NALF1: variants seen among roughly 807,000 people sequenced by gnomAD.
NALF1 encodes the protein NALCN channel auxiliary factor 1.
Under a neutral mutation model 48.4 loss-of-function variants are expected in NALF1, and 3 were observed. That is an observed-to-expected ratio of 0.06 (90% CI 0.03 to 0.16). NALF1 has a LOEUF of 0.16. Ranked by LOEUF, NALF1 falls within the 10% of genes least tolerant of loss-of-function variation. The pLI, the probability that NALF1 is intolerant of heterozygous loss-of-function variation, is 1.00. For synonymous variants in NALF1, 262 were observed against 245.7 expected, an observed-to-expected ratio of 1.07 and a Z score of -0.62; for missense variants, 526 against 571.5, an observed-to-expected ratio of 0.92 and a Z score of 0.81.
chr13:107,710,775 A>ATG (rs1400895363), intron 1 of NALF1, among the ~76,000 whole-genome samples: 795 of 45,882 alleles, frequency 0.017, 10 homozygotes, highest in Admixed American at 0.093. Flanking sequence ...ATACACACAT[A>ATG]TGTGTGTATA....
At chr13:107,209,222 C>A (rs1879706946) in intron 2 of NALF1, among the ~76,000 whole-genome samples, 1 of 152,114 alleles carries the variant, frequency 6.6e-6, no homozygotes, top group Non-Finnish European at 1.5e-5. Context: ...AATACTAATC[C>A]AGGCTGGGCA....
intron 1 of NALF1, among the ~76,000 whole-genome samples, chr13:107,771,021 T>C (rs1877562049): frequency 6.6e-6 from 1 of 152,156 alleles, no homozygotes; most frequent in Non-Finnish European, 1.5e-5. Flanking sequence ...TCACCTGACA[T>C]GTTTCCTCAA....
chr13:107,652,367 A>G (rs1467040526), intron 1 of NALF1, among the ~76,000 whole-genome samples: 2 of 152,200 alleles, frequency 1.3e-5, no homozygotes, highest in Non-Finnish European at 2.9e-5. Context: ...TATTAGAGAA[A>G]TAGTTATGGT....
At position 107,570,477 on chromosome 13, in the gene NALF1, C is replaced by T. The variant is rs148540942; in HGVS notation, c.915+295205G>A. Among the ~76,000 whole-genome samples, 939 of 151,662 alleles carry T rather than the reference C, an allele frequency of 6.2e-3. 7 individuals are homozygous for T. Among genetic ancestry groups the T allele is most frequent in the African/African-American group, 0.021 (858 of 41,452 alleles). On this transcript the variant is annotated intron_variant, in intron 1 of 2. Transcript: ENST00000375915. ...AATTTTTTCCTTTAATTTTTTGATA[C>T]GATGGATTAGATTGATTTTCAAATA...
At chr13:107,266,116 G>A (rs888410439) in intron 1 of NALF1, among the ~76,000 whole-genome samples, 1 of 152,254 alleles carries the variant, frequency 6.6e-6, no homozygotes, top group Middle Eastern at 3.4e-3. Context: ...CAATCAGGGC[G>A]ACGTAACATA....
At chr13:107,719,952 C>T (rs1194798530) in intron 1 of NALF1, among the ~76,000 whole-genome samples, 1 of 152,098 alleles carries the variant, frequency 6.6e-6, no homozygotes, top group African/African-American at 2.4e-5. Context: ...TCACCGTTCC[C>T]TCTGCTCATG....
In NALF1 at chr13:107,343,858, C is replaced by T. The variant is rs558975218; in HGVS notation, c.916-133103G>A. On this transcript the variant is annotated intron_variant, in intron 1 of 2. Transcript: ENST00000375915. ...ACAGAGGAAAGGAATAAAAATTAGA[C>T]CAGAAATCAACAAAGTAGAGAACAG... Among the ~76,000 whole-genome samples the T allele has an allele frequency of 3.3e-5, 5 of 151,482 alleles. No individual in the cohort carries two copies. The East Asian group carries it at 5.8e-4, about 18-fold the overall frequency.
At chr13:107,356,924 G>A (rs1280220804) in intron 1 of NALF1, among the ~76,000 whole-genome samples, 1 of 152,166 alleles carries the variant, frequency 6.6e-6, no homozygotes, top group Non-Finnish European at 1.5e-5. Flanking sequence ...AAAGTTTACT[G>A]TTTCTGCTTT....
chr13:107,736,034 A>G (rs2138539916), intron 1 of NALF1, among the ~76,000 whole-genome samples: 1 of 152,252 alleles, frequency 6.6e-6, no homozygotes, highest in Non-Finnish European at 1.5e-5. Flanking sequence ...GCTAGACTAT[A>G]AAGACTTTGA....
At chr13:107,546,973 A>G (rs1040785361) in intron 1 of NALF1, among the ~76,000 whole-genome samples, 4 of 152,216 alleles carry the variant, frequency 2.6e-5, no homozygotes, top group African/African-American at 7.2e-5. Flanking sequence ...TTATGGAGTC[A>G]CCTGACTTCT....
At chr13:107,614,835 T>C (rs1879336648) in intron 1 of NALF1, among the ~76,000 whole-genome samples, 1 of 151,960 alleles carries the variant, frequency 6.6e-6, no homozygotes, top group South Asian at 2.1e-4. Context: ...TGGACGGCAG[T>C]GATGCAATCT....
At chr13:107,726,305 T>C (rs377122827) in intron 1 of NALF1, among the ~76,000 whole-genome samples, 19 of 152,224 alleles carry the variant, frequency 1.2e-4, no homozygotes, top group African/African-American at 4.3e-4. Context: ...AGAAACAAGA[T>C]GAAGTGGGAC....
At position 107,472,316 on chromosome 13, in the gene NALF1, G is replaced by A. The variant is rs575641346; in HGVS notation, c.916-261561C>T. ...TGCACTCCAGCCTGGGCAACAGAGC[G>A]AGACTCCCTCTCAAAACAAACAAAC... is the stretch of plus-strand genomic sequence containing the variant. On this transcript the variant is annotated intron_variant, in intron 1 of 2. Coordinates refer to ENST00000375915, the MANE Select transcript of NALF1 (RefSeq NM_001080396.3). 4.6e-5 allele frequency among the ~76,000 whole-genome samples: 7 copies of A among 152,310 alleles called. No individual in the cohort carries two copies. The East Asian group carries it at 1.4e-3, about 29-fold the overall frequency.
At chr13:107,751,923 T>C (rs1876952277) in intron 1 of NALF1, among the ~76,000 whole-genome samples, 3 of 152,110 alleles carry the variant, frequency 2.0e-5, no homozygotes, top group Admixed American at 2.0e-4. Context: ...GAATTTTACC[T>C]CTGCTTATAT....
At chr13:107,217,120 T>TA (rs1426179776) in intron 1 of NALF1, among the ~76,000 whole-genome samples, 2 of 152,216 alleles carry the variant, frequency 1.3e-5, no homozygotes, top group Non-Finnish European at 2.9e-5. Flanking sequence ...TTCCTTGTTT[T>TA]ATCTTTCACT....
intron 1 of NALF1, among the ~76,000 whole-genome samples, chr13:107,801,676 T>C (rs935201023): frequency 6.6e-6 from 1 of 152,156 alleles, no homozygotes; most frequent in Admixed American, 6.6e-5. Flanking sequence ...GCTGACATAA[T>C]ATTCAGTTGG....
intron 1 of NALF1, among the ~76,000 whole-genome samples, chr13:107,754,344 G>C (rs1877025178): frequency 7.5e-6 from 1 of 133,804 alleles, no homozygotes; most frequent in Non-Finnish European, 1.6e-5. Context: ...TTGTATTTTT[G>C]TACATTGTGA....
intron 2 of NALF1, among the ~76,000 whole-genome samples, chr13:107,173,545 T>C (rs1278157480): frequency 1.3e-5 from 2 of 152,176 alleles, no homozygotes; most frequent in African/African-American, 4.8e-5. Flanking sequence ...TGAAGAAATA[T>C]CTCCTGCAGC....
intron 1 of NALF1, among the ~76,000 whole-genome samples, chr13:107,775,432 C>A (rs1877703494): frequency 6.6e-6 from 1 of 151,300 alleles, no homozygotes; most frequent in Non-Finnish European, 1.5e-5. Flanking sequence ...ATATGTGCCA[C>A]ATTTTCTTAA....
Sources: allele counts gnomAD v4.1 joint callset (sites outside exome capture counted in the v4.1 genomes callset), GRCh38; gene constraint gnomAD v4.1.1; transcripts MANE v1.5; gene names NCBI Gene and HGNC (gene_info 2026-07-23, HGNC 2026-07-21).